The following TMEM132C variants were observed in gnomAD, a reference collection of about 807,000 sequenced individuals.
TMEM132C encodes the protein transmembrane protein 132C.
A neutral mutation model predicts 61.4 loss-of-function variants in TMEM132C; 29 were observed. The ratio of observed to expected loss-of-function variants is 0.47; its 90% CI spans 0.35 to 0.64. The LOEUF is 0.64. Ranked by LOEUF, TMEM132C falls within the 30% of genes least tolerant of loss-of-function variation. The pLI is 0.00. For missense variants in TMEM132C, 1,408 were observed against 1,476.9 expected, an observed-to-expected ratio of 0.95 and a Z score of 0.76; for synonymous variants, 656 against 633.1, an observed-to-expected ratio of 1.04 and a Z score of -0.54.
chr12:128,382,305 C>T (rs1874426205), intron 1 of TMEM132C, among the ~76,000 whole-genome samples: 1 of 152,112 alleles, frequency 6.6e-6, no homozygotes, highest in Non-Finnish European at 1.5e-5. Context: ...GCACAGACTG[C>T]CACTGTAGGA....
At chr12:128,651,800 C>T (rs960925895) in intron 4 of TMEM132C, among the ~76,000 whole-genome samples, 1 of 152,136 alleles carries the variant, frequency 6.6e-6, no homozygotes, top group African/African-American at 2.4e-5. Flanking sequence ...TATGCAAAGA[C>T]TGCCATGTTT....
intron 2 of TMEM132C, among the ~76,000 whole-genome samples, chr12:128,430,660 T>C (rs1869352010): frequency 6.6e-6 from 1 of 152,198 alleles, no homozygotes; most frequent in Non-Finnish European, 1.5e-5. Flanking sequence ...CAGCACGTGC[T>C]CACTTCCTGT....
At chr12:128,384,180 CCTT>C (rs1874504937) in intron 1 of TMEM132C, among the ~76,000 whole-genome samples, 1 of 152,200 alleles carries the variant, frequency 6.6e-6, no homozygotes, top group East Asian at 1.9e-4. Flanking sequence ...CTGACCTTCT[CCTT>C]CTTGACAGAC....
At position 128,611,259 on chromosome 12, in the gene TMEM132C, A is replaced by G. The variant is rs528859770; in HGVS notation, c.1122-4893A>G. ...ATGTGTGTGCTCCCCTTAAAGGGCC[A>G]TGGCTTTTTGCCTTGGTTCAAACTG... On this transcript the variant is annotated intron_variant, in intron 3 of 8. Transcript: ENST00000435159. Among the ~76,000 whole-genome samples the G allele has an allele frequency of 4.6e-5, 7 of 152,294 alleles. No homozygotes were observed. In the South Asian group the frequency reaches 1.5e-3, roughly 32 times the overall value.
At chr12:128,535,239 G>T (rs1249130712) in intron 2 of TMEM132C, among the ~76,000 whole-genome samples, 1 of 152,138 alleles carries the variant, frequency 6.6e-6, no homozygotes, top group Non-Finnish European at 1.5e-5. Flanking sequence ...TAGACAAATG[G>T]GATCTAATTA....
At chr12:128,521,917 C>T (rs1369154883) in intron 2 of TMEM132C, among the ~76,000 whole-genome samples, 1 of 152,178 alleles carries the variant, frequency 6.6e-6, no homozygotes, top group Non-Finnish European at 1.5e-5. Context: ...TCCTGTACTG[C>T]TTGGCCAGGG....
At chr12:128,386,356 A>G (rs1044575476) in intron 1 of TMEM132C, among the ~76,000 whole-genome samples, 2 of 152,216 alleles carry the variant, frequency 1.3e-5, no homozygotes, top group Middle Eastern at 3.4e-3. Context: ...CCTTTGAACC[A>G]CAGGGGAGAC....
Position 128,501,089 on chromosome 12 carries a change from G to A in TMEM132C, c.975-42868G>A, listed in dbSNP as rs115620168. Among the ~76,000 whole-genome samples, 900 of 152,224 alleles carry A rather than the reference G, an allele frequency of 5.9e-3. 7 individuals carry two copies. The highest frequency in any genetic ancestry group is 0.021 in the African/African-American group (863 of 41,530). ...GTGCAATAAGCCAGACACAGAAGAC[G>A]AAATATTGTATGACTTCTCACCTTC... On this transcript the variant is annotated intron_variant, in intron 2 of 8. Transcript: ENST00000435159.
chr12:128,462,366 C>CA (rs1343347371), intron 2 of TMEM132C, among the ~76,000 whole-genome samples: 1 of 152,160 alleles, frequency 6.6e-6, no homozygotes, highest in African/African-American at 2.4e-5. Context: ...CTCGGCCTCC[C>CA]AAAGTAAAGG....
chr12:128,429,790 C>T (rs1032862651), intron 2 of TMEM132C, among the ~76,000 whole-genome samples: 3 of 152,162 alleles, frequency 2.0e-5, no homozygotes, highest in Non-Finnish European at 4.4e-5. Context: ...GAGTGTCACA[C>T]CTTCATTATG....
chr12:128,346,603 T>A (rs1163037057), intron 1 of TMEM132C, among the ~76,000 whole-genome samples: 2 of 152,214 alleles, frequency 1.3e-5, no homozygotes, highest in Non-Finnish European at 2.9e-5. Context: ...GTTCTTCTTA[T>A]AGAGATCCTT....
intron 5 of TMEM132C, among the ~76,000 whole-genome samples, chr12:128,683,211 C>T (rs1400372635): frequency 7.2e-5 from 11 of 152,170 alleles, no homozygotes; most frequent in South Asian, 4.1e-4. Flanking sequence ...TCTGTCTGCC[C>T]GGCCCTCTAC....
At position 128,685,242 on chromosome 12, in the gene TMEM132C, T is replaced by C. The variant is rs943788477; in HGVS notation, c.1450-8587T>C. Among the ~76,000 whole-genome samples the C allele has an allele frequency of 3.3e-5, 5 of 152,154 alleles. No homozygotes were observed. The South Asian group carries it at 1.0e-3, about 31-fold the overall frequency. Reference sequence around the variant, plus strand: ...AAGCCATGTAAAAGGCCGTGAGAGTTATAGTCAGGATCATCCACATCCCAT... The same window carrying C: ...AAGCCATGTAAAAGGCCGTGAGAGTCATAGTCAGGATCATCCACATCCCAT... On this transcript the variant is annotated intron_variant, in intron 5 of 8. Transcript: ENST00000435159.
At chr12:128,366,291 A>T (rs1213640161) in intron 1 of TMEM132C, among the ~76,000 whole-genome samples, 1 of 152,058 alleles carries the variant, frequency 6.6e-6, no homozygotes. Flanking sequence ...CCTTTGAGGG[A>T]ACTGTTCAGA....
intron 3 of TMEM132C, among the ~76,000 whole-genome samples, chr12:128,587,950 A>C (rs957358312): frequency 1.3e-5 from 2 of 152,226 alleles, no homozygotes; most frequent in Non-Finnish European, 2.9e-5. Flanking sequence ...CTTAAGGATA[A>C]TAGTAATAAA....
intron 2 of TMEM132C, among the ~76,000 whole-genome samples, chr12:128,532,754 G>A (rs779009451): frequency 2.0e-5 from 3 of 151,676 alleles, no homozygotes; most frequent in African/African-American, 4.8e-5. Flanking sequence ...GGTGAAGCTC[G>A]AGTGCCTGAT....
chr12:128,395,853 A>G (rs1180501903), intron 1 of TMEM132C, among the ~76,000 whole-genome samples: 1 of 152,170 alleles, frequency 6.6e-6, no homozygotes, highest in African/African-American at 2.4e-5. Context: ...ATGAGCCAGG[A>G]TGGGAAGAAT....
chr12:128,549,051 C>T (rs1565970943), intron 3 of TMEM132C, among the ~76,000 whole-genome samples: 1 of 152,096 alleles, frequency 6.6e-6, no homozygotes, highest in Non-Finnish European at 1.5e-5. Context: ...TCTCATGCTC[C>T]CAGGGCTGTA....
chr12:128,299,986 A>T (rs757359677), intron 1 of TMEM132C, among the ~76,000 whole-genome samples: 1 of 152,200 alleles, frequency 6.6e-6, no homozygotes, highest in African/African-American at 2.4e-5. Flanking sequence ...AGTGTAGTCT[A>T]GACACAGTCG....
Sources: allele counts gnomAD v4.1 joint callset (sites outside exome capture counted in the v4.1 genomes callset), GRCh38; gene constraint gnomAD v4.1.1; transcripts MANE v1.5; gene names NCBI Gene and HGNC (gene_info 2026-07-23, HGNC 2026-07-21).